LRTM3: variants seen among roughly 807,000 people sequenced by gnomAD.
The protein encoded by LRTM3 is leucine rich repeat transmembrane protein 3.
chr13:102,729,512 C>T, the LRTM3 span: 9 of 1,476,152 alleles, frequency 6.1e-6, no homozygotes, highest in African/African-American at 1.1e-4. Flanking sequence ...TTTGGAGGAA[C>T]TCCATATATT....
At chr13:102,735,476 T>G in the LRTM3 span, 33 of 1,551,370 alleles carry the variant, frequency 2.1e-5, no homozygotes, top group Non-Finnish European at 2.6e-5. Flanking sequence ...TAAAGAAGTA[T>G]TAATGCTTGG....
chr13:102,748,390 C>G, the LRTM3 span: 2 of 1,551,022 alleles, frequency 1.3e-6, no homozygotes, highest in South Asian at 2.4e-5. Context: ...GGGAAATGAG[C>G]AAACCGACAT....
the LRTM3 span, chr13:102,749,664 C>T: frequency 6.4e-7 from 1 of 1,551,410 alleles, no homozygotes; most frequent in Non-Finnish European, 8.7e-7. Context: ...TTCATCACAT[C>T]TTCAGGCTGG....
the LRTM3 span, chr13:102,730,629 T>C: frequency 1.3e-6 from 2 of 1,552,088 alleles, no homozygotes; most frequent in Non-Finnish European, 1.7e-6. Context: ...AATTTTCTGA[T>C]GAGTGATGAG....
the LRTM3 span, chr13:102,738,604 CT>C: frequency 2.6e-6 from 4 of 1,549,882 alleles, no homozygotes; most frequent in African/African-American, 4.1e-5. Context: ...ATTCTAGGGC[CT>C]TTTTTACACT....
At chr13:102,750,238 A>G in the LRTM3 span, 26 of 1,551,412 alleles carry the variant, frequency 1.7e-5, no homozygotes, top group Non-Finnish European at 2.0e-5. Flanking sequence ...ATGGCACATG[A>G]CTTTCACTAG....
the LRTM3 span, chr13:102,735,918 C>A: frequency 6.5e-7 from 1 of 1,541,114 alleles, no homozygotes; most frequent in Non-Finnish European, 8.8e-7. Context: ...TGTACTCCTT[C>A]CCCTTGCTCT....
the LRTM3 span, chr13:102,740,873 A>G: frequency 6.5e-7 from 1 of 1,549,954 alleles, no homozygotes; most frequent in African/African-American, 1.4e-5. Flanking sequence ...AAGTACGTCC[A>G]TTAAAGAGTG....
At chr13:102,735,428 C>G in the LRTM3 span, 85 of 1,551,140 alleles carry the variant, frequency 5.5e-5, no homozygotes, top group Non-Finnish European at 7.0e-5. Context: ...GTTCTCCTGT[C>G]CTTCTGTTGT....
the LRTM3 span, chr13:102,758,659 T>C: frequency 6.6e-7 from 1 of 1,514,858 alleles, no homozygotes; most frequent in South Asian, 1.3e-5. Context: ...TTATGTCTGA[T>C]TTTGAAAACT....
chr13:102,736,801 C>G, the LRTM3 span: 1 of 1,551,078 alleles, frequency 6.4e-7, no homozygotes, highest in Non-Finnish European at 8.7e-7. Flanking sequence ...CCTTTTGGAT[C>G]TGGGCCATGT....
the LRTM3 span, chr13:102,735,301 T>C: frequency 6.4e-7 from 1 of 1,551,284 alleles, no homozygotes; most frequent in South Asian, 1.2e-5. Context: ...GTGCTTTTAA[T>C]TGCTTTACAT....
the LRTM3 span, chr13:102,748,075 A>G: frequency 6.4e-7 from 1 of 1,551,084 alleles, no homozygotes; most frequent in Non-Finnish European, 8.7e-7. Context: ...ATGCTGAATG[A>G]CTGAGCCTTA....
At chr13:102,739,131 C>T in the LRTM3 span, 2 of 1,550,346 alleles carry the variant, frequency 1.3e-6, no homozygotes, top group Admixed American at 3.9e-5. Flanking sequence ...AGAATAGAAG[C>T]ACAGAGTTTA....
chr13:102,736,013 A>T, the LRTM3 span: 1 of 1,549,960 alleles, frequency 6.5e-7, no homozygotes, highest in Non-Finnish European at 8.7e-7. Flanking sequence ...TTTGGGGAGT[A>T]TTCTACCTTC....
the LRTM3 span, chr13:102,741,321 G>T: frequency 6.5e-7 from 1 of 1,549,626 alleles, no homozygotes; most frequent in Non-Finnish European, 8.7e-7. Context: ...AAGTGAAGAG[G>T]GTCCTTACTG....
chr13:102,752,279 CATTT>C, the LRTM3 span, among the ~76,000 whole-genome samples: 1 of 152,156 alleles, frequency 6.6e-6, no homozygotes, highest in Non-Finnish European at 1.5e-5. Context: ...CTCATGCACA[CATTT>C]CTCCTTTCAT....
chr13:102,747,293 C>A, the LRTM3 span: 2 of 1,548,882 alleles, frequency 1.3e-6, no homozygotes, highest in Non-Finnish European at 8.7e-7. Flanking sequence ...CAGAAGCATA[C>A]CTGCTGCAAT....
the LRTM3 span, among the ~76,000 whole-genome samples, chr13:102,756,273 T>C: frequency 6.7e-6 from 1 of 148,286 alleles, no homozygotes; most frequent in African/African-American, 2.5e-5. Context: ...CTATTCTTCA[T>C]GATATTCCTA....
Sources: gnomAD v4.1 joint callset for allele counts (sites outside exome capture counted in the v4.1 genomes callset) on GRCh38, gnomAD v4.1.1 for gene constraint, MANE v1.5 for transcripts, NCBI Gene and HGNC (gene_info 2026-07-23, HGNC 2026-07-21) for gene names.